Variants in ADAM11 observed in about 807,000 individuals in gnomAD.
ADAM11 encodes disintegrin and metalloproteinase domain-containing protein 11.
Under a neutral mutation model 119.1 loss-of-function variants are expected in ADAM11, and 49 were observed. The observed-to-expected ratio is 0.41, with a 90% CI of 0.33 to 0.52. ADAM11 has a LOEUF of 0.52. Among genes scored for constraint, ADAM11 ranks in the 20% least tolerant of loss-of-function variants. ADAM11 has a pLI of 0.20. For missense variants in ADAM11, 777 were observed against 1,047.5 expected (o/e 0.74, Z 3.56); for synonymous variants, 364 against 408.0 (o/e 0.89, Z 1.30).
chr17:44,777,007 A>C lies in ADAM11; in HGVS notation c.1681+45A>C. 2 of 1,590,128 alleles carry C rather than the reference A, an allele frequency of 1.3e-6. No homozygotes were observed. Among genetic ancestry groups the C allele is most frequent in the Admixed American group, 3.4e-5 (2 of 58,562 alleles). On this transcript the variant is annotated intron_variant, in intron 20 of 26. Coordinates refer to ENST00000200557, the MANE Select transcript of ADAM11 (RefSeq NM_002390.6). This position sits in a 1 kb window ranked among gnomAD's most constrained non-coding sequence, Gnocchi z 5.1. Reference sequence around the variant, plus strand: ...GGAGTGGGGACTCCGGAGGACCCAGAGCTGAGAAGCTGGGGAGAGTGGGTT... The same window carrying C: ...GGAGTGGGGACTCCGGAGGACCCAGCGCTGAGAAGCTGGGGAGAGTGGGTT...
Position 44,772,475 on chromosome 17 carries a change from G to T in ADAM11, c.678+9G>T. The T allele has an allele frequency of 1.3e-6, 2 of 1,562,592 alleles. No homozygotes were observed. The highest frequency in any genetic ancestry group is 1.7e-6 in the Non-Finnish European group (2 of 1,154,036). Reference sequence around the variant, plus strand: ...TGAGAAGGAAAAGGCAGGTACGGGGGCCCGCACAGACCTCGGGCTGCAGAG... The same window carrying T: ...TGAGAAGGAAAAGGCAGGTACGGGGTCCCGCACAGACCTCGGGCTGCAGAG... On this transcript the variant is annotated intron_variant, in intron 8 of 26. Coordinates refer to ENST00000200557, the MANE Select transcript of ADAM11 (RefSeq NM_002390.6). The surrounding 1 kb of genome is among the most constrained non-coding windows in gnomAD (Gnocchi z 4.5).
At chr17:44,760,691 G>T (rs375417687) in intron 2 of ADAM11, among the ~76,000 whole-genome samples, 1 of 152,130 alleles carries the variant, frequency 6.6e-6, no homozygotes, top group Non-Finnish European at 1.5e-5. Context: ...GGAGGTATAG[G>T]GGGGAGACCC....
At chr17:44,767,608 GGGGCTCTCCCAGCCCCCTCCT>G (rs1303468530) in intron 2 of ADAM11, among the ~76,000 whole-genome samples, 1 of 152,166 alleles carries the variant, frequency 6.6e-6, no homozygotes, top group Non-Finnish European at 1.5e-5. Flanking sequence ...ACCGCCTTTG[GGGGCTCTCCCAGCCCCCTCCT>G]GGGCCACCTC....
Position 44,770,488 on chromosome 17 carries a change from T to TCACCCCCCC in ADAM11, c.381+441_381+442insACCCCCCCC, listed in dbSNP as rs1158996609. Among the ~76,000 whole-genome samples the TCACCCCCCC allele has an allele frequency of 3.5e-3, 211 of 60,232 alleles. 19 individuals carry two copies. The highest frequency in any genetic ancestry group is 0.011 in the African/African-American group (204 of 18,792). 39.5% of individuals were successfully genotyped at this position (60,232 alleles called of 152,430 possible). Reference sequence around the variant, plus strand: ...AATGAGTGTCTATAAATAGCCTGTCTCCCCCCCCCCCGCCCCCACTGCCTG... The same window carrying TCACCCCCCC: ...AATGAGTGTCTATAAATAGCCTGTCTCACCCCCCCCCCCCCCCCCCGCCCCCACTGCCTG... On this transcript the variant is annotated intron_variant, in intron 4 of 26. Transcript: ENST00000200557.
At chr17:44,768,167 T>C (rs1331588177) in intron 2 of ADAM11, among the ~76,000 whole-genome samples, 1 of 151,988 alleles carries the variant, frequency 6.6e-6, no homozygotes, top group Admixed American at 6.5e-5. Flanking sequence ...GGGAGGCAGA[T>C]AGAACAAGCA....
intron 26 of ADAM11, 138 bp downstream of exon 26, chr17:44,779,377 G>A (rs2049659851): frequency 3.4e-6 from 5 of 1,458,990 alleles, no homozygotes; most frequent in African/African-American, 1.5e-5. Flanking sequence ...CCTGCTGCCA[G>A]GCTGTCCCGG....
At chr17:44,769,210 C>G (rs1454355106) in intron 2 of ADAM11, among the ~76,000 whole-genome samples, 1 of 152,224 alleles carries the variant, frequency 6.6e-6, no homozygotes, top group Non-Finnish European at 1.5e-5. Context: ...CCATCCATTC[C>G]CACCCATTCG....
At chr17:44,767,402 GCTTGGGGCGGT>G (rs1320845103) in intron 2 of ADAM11, among the ~76,000 whole-genome samples, 5 of 151,832 alleles carry the variant, frequency 3.3e-5, no homozygotes, top group African/African-American at 1.2e-4. Flanking sequence ...TGCTGGGCGG[GCTTGGGGCGGT>G]CTTGGGACTC....
chr17:44,773,223 C>A lies in ADAM11; in HGVS notation c.826-38C>A. On this transcript the variant is annotated intron_variant, in intron 10 of 26. Transcript: ENST00000200557. This position sits in a 1 kb window ranked among gnomAD's most constrained non-coding sequence, Gnocchi z 4.6. ...CCCTCCTCCAGCCCTGGCCCCAACA[C>A]CCACTCCCACCCTCCAGCCCCCTCA... 1 of 1,608,630 alleles carries A rather than the reference C, an allele frequency of 6.2e-7. No individual in the cohort carries two copies. Among genetic ancestry groups the A allele is most frequent in the Non-Finnish European group, 8.5e-7 (1 of 1,175,864 alleles).
Position 44,773,125 on chromosome 17 carries a change from C to T in ADAM11, c.825+40C>T, listed in dbSNP as rs201078446. On this transcript the variant is annotated intron_variant, in intron 10 of 26. Transcript: ENST00000200557. The surrounding 1 kb of genome is among the most constrained non-coding windows in gnomAD (Gnocchi z 4.6). ...CTCCCTCCCTTCCCTCCTCCTCATG[C>T]CCCCCACCCCACCACACACATTAGG... is the stretch of plus-strand genomic sequence containing the variant. 1.6e-5 allele frequency: 23 copies of T among 1,421,402 alleles called. No individual in the cohort carries two copies. The East Asian group carries it at 2.7e-4, about 17-fold the overall frequency. The allele number at this position is 1,421,402 out of a possible 1,614,324, so 88.0% of individuals were successfully genotyped here.
In ADAM11 at chr17:44,761,435, G is replaced by C. The variant is rs188830353; in HGVS notation, c.237+1538G>C. On this transcript the variant is annotated intron_variant, in intron 2 of 26. Coordinates refer to ENST00000200557, the MANE Select transcript of ADAM11 (RefSeq NM_002390.6). ...GGGCTGTGGTGGTGTCTGCAGCTGC[G>C]TGGGAAGGTCAGGATGGGTGCAGTT... Among the ~76,000 whole-genome samples the C allele has an allele frequency of 2.6e-5, 4 of 152,162 alleles. No individual in the cohort carries two copies. The East Asian group carries it at 7.7e-4, about 29-fold the overall frequency.
chr17:44,769,481 G>C (rs534638120), intron 2 of ADAM11, among the ~76,000 whole-genome samples: 2 of 152,250 alleles, frequency 1.3e-5, no homozygotes, highest in Non-Finnish European at 2.9e-5. Flanking sequence ...CGGGCCCAGA[G>C]GGCAGAAAGG....
intron 25 of ADAM11, among the ~76,000 whole-genome samples, chr17:44,778,615 G>A (rs12451016): frequency 6.8e-6 from 1 of 147,554 alleles, no homozygotes; most frequent in Non-Finnish European, 1.5e-5. Flanking sequence ...TGCTTGAACC[G>A]GGGAGGTGGA....
Position 44,759,226 on chromosome 17 carries a change from C to G in ADAM11, c.27C>G (p.Phe9Leu). MRLLRRWAFAALLLSLLPT... is the reference protein window; with the variant it reads MRLLRRWALAALLLSLLPT... Reference sequence around the variant, plus strand: ...TGAGGCTGCTGCGGCGCTGGGCGTTCGCGGCTCTGCTGCTGTCGCTGCTCC... The same window carrying G: ...TGAGGCTGCTGCGGCGCTGGGCGTTGGCGGCTCTGCTGCTGTCGCTGCTCC... Residue 9 changes from phenylalanine (F) to leucine (L), a missense_variant, in exon 1 of 27, where the codon TTC (phenylalanine) becomes TTG (leucine). Coordinates refer to ENST00000200557, the MANE Select transcript of ADAM11 (RefSeq NM_002390.6). 1 of 1,437,402 alleles carries G rather than the reference C, an allele frequency of 7.0e-7. No homozygotes were observed. The highest frequency in any genetic ancestry group is 9.1e-7 in the Non-Finnish European group (1 of 1,096,868). The allele number at this position is 1,437,402 out of a possible 1,614,324, so 89.0% of individuals were successfully genotyped here.
chr17:44,764,829 G>T (rs532288839), intron 2 of ADAM11, among the ~76,000 whole-genome samples: 9 of 152,254 alleles, frequency 5.9e-5, no homozygotes, highest in Admixed American at 2.6e-4. Flanking sequence ...AGAGCCGATG[G>T]TCAACATCTC....
At chr17:44,770,195 G>C in intron 4 of ADAM11, 147 bp downstream of exon 4, 1 of 1,019,996 alleles carries the variant, frequency 9.8e-7, no homozygotes, top group East Asian at 2.6e-5. Flanking sequence ...TCCCGACCCA[G>C]GAGGCTCTGA....
At chr17:44,765,765 C>A (rs925440744) in intron 2 of ADAM11, among the ~76,000 whole-genome samples, 1 of 152,054 alleles carries the variant, frequency 6.6e-6, no homozygotes, top group African/African-American at 2.4e-5. Flanking sequence ...GGATTACAGG[C>A]ACATGCCACC....
intron 25 of ADAM11, 116 bp from the exon 26 acceptor site, chr17:44,779,106 A>G: frequency 7.3e-7 from 1 of 1,363,206 alleles, no homozygotes. Context: ...GGCCCCGGGG[A>G]CCCCGGCCCC....
intron 2 of ADAM11, among the ~76,000 whole-genome samples, chr17:44,763,878 A>G (rs575135385): frequency 6.3e-4 from 95 of 151,992 alleles, no homozygotes; most frequent in African/African-American, 2.3e-3. Flanking sequence ...CACCACTTCC[A>G]GCTAATTTTT....
Sources: allele counts gnomAD v4.1 joint callset (sites outside exome capture counted in the v4.1 genomes callset), GRCh38; gene constraint gnomAD v4.1.1; non-coding constraint Gnocchi (gnomAD v3.1); transcripts MANE v1.5; gene names NCBI Gene and HGNC (gene_info 2026-07-23, HGNC 2026-07-21).